PIAS2: variants seen among roughly 807,000 people sequenced by gnomAD.
PIAS2 encodes the protein E3 SUMO-protein ligase PIAS2.
In PIAS2, 19 loss-of-function variants were observed where a neutral mutation model predicts 69.7. The observed-to-expected ratio is 0.27, with a 90% CI of 0.19 to 0.40. The LOEUF is 0.40. Ranked by LOEUF, PIAS2 falls within the 10% of genes least tolerant of loss-of-function variation. PIAS2 has a pLI of 1.00. For missense variants in PIAS2, 624 were observed against 757.0 expected (o/e 0.82, Z 2.06); for synonymous variants, 261 against 263.2 (o/e 0.99, Z 0.08).
At chr18:46,911,769 G>A (rs1439559918) in intron 1 of PIAS2, among the ~76,000 whole-genome samples, 2 of 152,238 alleles carry the variant, frequency 1.3e-5, no homozygotes, top group Non-Finnish European at 2.9e-5. Context: ...GCTGGGGCCG[G>A]GCTCAGCGGC....
chr18:46,833,592 A>T (rs1321623126), intron 9 of PIAS2, among the ~76,000 whole-genome samples: 1 of 152,218 alleles, frequency 6.6e-6, no homozygotes, highest in Non-Finnish European at 1.5e-5. Flanking sequence ...CATAATGTAA[A>T]TCAAAACCCA....
intron 8 of PIAS2, among the ~76,000 whole-genome samples, chr18:46,841,494 A>C (rs2045380912): frequency 6.6e-6 from 1 of 152,002 alleles, no homozygotes; most frequent in Non-Finnish European, 1.5e-5. Context: ...AATAGGACTT[A>C]CTCTTTCTCA....
At chr18:46,872,856 T>A (rs1600078873) in intron 2 of PIAS2, among the ~76,000 whole-genome samples, 1 of 152,318 alleles carries the variant, frequency 6.6e-6, no homozygotes, top group Non-Finnish European at 1.5e-5. Context: ...GACTTTCTCC[T>A]ATGGACTTCT....
intron 9 of PIAS2, among the ~76,000 whole-genome samples, chr18:46,835,989 A>C (rs2044368507): frequency 6.6e-6 from 1 of 152,204 alleles, no homozygotes; most frequent in South Asian, 2.1e-4. Flanking sequence ...CTATGTCTGT[A>C]TCTACCCTAT....
chr18:46,815,661 A>G, intron 12 of PIAS2: 3 of 1,036,872 alleles, frequency 2.9e-6, no homozygotes, highest in Middle Eastern at 4.6e-4. Flanking sequence ...AAGCAATAAA[A>G]ATGATGAGCT....
intron 5 of PIAS2, among the ~76,000 whole-genome samples, chr18:46,847,350 TGG>T (rs1055640283): frequency 5.9e-5 from 9 of 152,302 alleles, no homozygotes; most frequent in Admixed American, 5.9e-4. Context: ...GGAACAGAAA[TGG>T]TAATCTTTTA....
At chr18:46,833,405 T>C (rs1478184117) in intron 9 of PIAS2, among the ~76,000 whole-genome samples, 9 of 152,178 alleles carry the variant, frequency 5.9e-5, no homozygotes, top group Non-Finnish European at 5.9e-5. Flanking sequence ...ATTGAAAACA[T>C]ACATGAGAAA....
At chr18:46,859,332 G>A (rs1003832267) in intron 3 of PIAS2, among the ~76,000 whole-genome samples, 1 of 151,052 alleles carries the variant, frequency 6.6e-6, no homozygotes, top group African/African-American at 2.4e-5. Context: ...GGAGGCTGCG[G>A]CAGGAGAATG....
chr18:46,818,359 ATTTGT>A (rs763745302), intron 12 of PIAS2: 1 of 1,522,800 alleles, frequency 6.6e-7, no homozygotes, highest in Admixed American at 2.0e-5. Context: ...AATACAAATT[ATTTGT>A]TTTATTTTGT....
chr18:46,909,002 C>T (rs891258058), intron 1 of PIAS2, among the ~76,000 whole-genome samples: 4 of 151,930 alleles, frequency 2.6e-5, no homozygotes, highest in Non-Finnish European at 1.5e-5. Flanking sequence ...GAGTGAGACT[C>T]CATCTCAAAA....
At position 46,876,980 on chromosome 18, in the gene PIAS2, G is replaced by A. The variant is rs529749583; in HGVS notation, c.500-12732C>T. 3.9e-5 allele frequency among the ~76,000 whole-genome samples: 6 copies of A among 152,274 alleles called. No homozygotes were observed. In the South Asian group the frequency reaches 6.2e-4, roughly 16 times the overall value. On this transcript the variant is annotated intron_variant, in intron 2 of 13. Transcript: ENST00000585916. Reference sequence around the variant, plus strand: ...CTCCCAAAGTACTGGGATTACAGGCGTGAGCCACAGTGCCCGGCCTCCTTC... The same window carrying A: ...CTCCCAAAGTACTGGGATTACAGGCATGAGCCACAGTGCCCGGCCTCCTTC...
In PIAS2 at chr18:46,855,546, C is replaced by T. The variant is rs1399070844; in HGVS notation, c.635+19G>A. The T allele has an allele frequency of 1.2e-6, 2 of 1,609,184 alleles. No homozygotes were observed. Among genetic ancestry groups the T allele is most frequent in the Admixed American group, 1.7e-5 (1 of 59,954 alleles). ...GTAAGCAAGTATAAAACTAAGGTAA[C>T]AGAAAATTTCAAACTCACCTCAACT... is the stretch of plus-strand genomic sequence containing the variant. On this transcript the variant is annotated intron_variant, in intron 4 of 13. Transcript: ENST00000585916.
chr18:46,898,811 C>T (rs1205505815), intron 1 of PIAS2, among the ~76,000 whole-genome samples: 5 of 151,830 alleles, frequency 3.3e-5, no homozygotes, highest in South Asian at 2.1e-4. Flanking sequence ...ATGGACGACA[C>T]GGTGAAATCC....
chr18:46,920,061 G>T (rs2058450949), upstream of PIAS2: 1 of 1,289,400 alleles, frequency 7.8e-7, no homozygotes, highest in Admixed American at 2.3e-5. Flanking sequence ...AAACTTACGT[G>T]CAGTGTTCTT....
Position 46,820,959 on chromosome 18 carries a change from A to G in PIAS2, c.1622T>C (p.Ile541Thr). The G allele has an allele frequency of 6.2e-7, 1 of 1,612,660 alleles. No individual in the cohort carries two copies. The highest frequency in any genetic ancestry group is 1.1e-5 in the South Asian group (1 of 90,858). Residue 541 changes from isoleucine to threonine, a missense_variant, in exon 12 of 14, where the codon ATA becomes ACA. Ile to Thr is a moderately conservative substitution (Grantham distance 89). Transcript: ENST00000585916. ...TGGCAAATCTGATGACATGCTTGAT[A>G]TTGGCGTATGGTGGAATGGTACTGA... ...DYSVPFHHTP[I>T]SSMSSDLPGL...
intron 5 of PIAS2, chr18:46,853,714 A>C (rs1272078356): frequency 1.3e-5 from 2 of 151,776 alleles, no homozygotes; most frequent in African/African-American, 4.9e-5. Context: ...GCCTGAACCC[A>C]GGAGGCAGAG....
chr18:46,888,683 G>A (rs559364620), intron 2 of PIAS2, among the ~76,000 whole-genome samples: 119 of 152,116 alleles, frequency 7.8e-4, no homozygotes, highest in Admixed American at 1.2e-3. Context: ...TTAGATTCTC[G>A]TAAGGAGCAT....
intron 10 of PIAS2, among the ~76,000 whole-genome samples, chr18:46,828,976 G>A (rs1470989527): frequency 6.6e-6 from 1 of 152,144 alleles, no homozygotes; most frequent in Non-Finnish European, 1.5e-5. Context: ...ATTAATAATG[G>A]CATAAATCCT....
intron 1 of PIAS2, chr18:46,907,889 T>C (rs767455406): frequency 6.6e-6 from 1 of 152,142 alleles, no homozygotes. Context: ...GTATATATAC[T>C]ACACAGGTTC....
Sources: allele counts gnomAD v4.1 joint callset (sites outside exome capture counted in the v4.1 genomes callset), GRCh38; gene constraint gnomAD v4.1.1; transcripts MANE v1.5; gene names NCBI Gene and HGNC (gene_info 2026-07-23, HGNC 2026-07-21).